Variants in PIK3CB observed in about 807,000 individuals in gnomAD.
PIK3CB encodes phosphatidylinositol-4,5-bisphosphate 3-kinase catalytic subunit beta, also known as phosphatidylinositol 4,5-bisphosphate 3-kinase catalytic subunit beta isoform.
In PIK3CB, 39 loss-of-function variants were observed where a neutral mutation model predicts 136.8. That is an observed-to-expected ratio of 0.29 (90% confidence interval 0.22 to 0.37). The LOEUF is 0.37. Ranked by LOEUF, PIK3CB falls within the 10% of genes least tolerant of loss-of-function variation. The pLI is 1.00. For synonymous variants in PIK3CB, 428 were observed against 436.6 expected, an observed-to-expected ratio of 0.98 and a Z score of 0.25; for missense variants, 868 against 1,275.4, an observed-to-expected ratio of 0.68 and a Z score of 4.87.
In PIK3CB at chr3:138,691,050, T is replaced by C. The variant is rs749905196; in HGVS notation, c.1986A>G (p.Glu662=). The change falls in exon 15 of 24, where the codon GAA becomes GAG. Residue 662 remains glutamate (E), a synonymous_variant. Transcript: ENST00000674063. ...LDCALSRFLL[E]RALGNRRIGQ... ...CTATCCTCCGATTACCAAGTGCTCT[T>C]TCTAATAGGAATCTAGAGAGGGCAC... 1 of 1,612,744 alleles carries C rather than the reference T, an allele frequency of 6.2e-7. No individual in the cohort carries two copies. Among genetic ancestry groups the C allele is most frequent in the East Asian group, 2.2e-5 (1 of 44,836 alleles).
chr3:138,673,924 G>A (rs576535236), intron 19 of PIK3CB, among the ~76,000 whole-genome samples: 2 of 152,212 alleles, frequency 1.3e-5, no homozygotes, highest in East Asian at 1.9e-4. Flanking sequence ...GTAGTTTCCA[G>A]GAAGATCCCA....
At chr3:138,829,193 T>A (rs1481987455) in intron 1 of PIK3CB, among the ~76,000 whole-genome samples, 2 of 151,990 alleles carry the variant, frequency 1.3e-5, no homozygotes, top group Non-Finnish European at 2.9e-5. Flanking sequence ...CTGAGATGGG[T>A]GGATTGCTTC....
chr3:138,746,643 A>G (rs2045360252), intron 4 of PIK3CB, among the ~76,000 whole-genome samples: 1 of 152,238 alleles, frequency 6.6e-6, no homozygotes, highest in Admixed American at 6.5e-5. Flanking sequence ...CCTGGGTGAC[A>G]GAGTGAGACT....
intron 2 of PIK3CB, among the ~76,000 whole-genome samples, chr3:138,788,964 CAAAAA>C (rs57432821): frequency 0.54 from 48,524 of 89,686 alleles, 10,019 homozygotes; most frequent in East Asian, 0.86. Context: ...GACTTCGTCT[CAAAAA>C]AAAAAAAAAA....
At chr3:138,686,995 C>A (rs111819410) in intron 16 of PIK3CB, among the ~76,000 whole-genome samples, 4 of 152,282 alleles carry the variant, frequency 2.6e-5, no homozygotes, top group African/African-American at 9.6e-5. Flanking sequence ...CAAACAGGAA[C>A]TTTTTACAAG....
chr3:138,667,107 G>A (rs1189923673), intron 19 of PIK3CB, among the ~76,000 whole-genome samples: 2 of 151,692 alleles, frequency 1.3e-5, no homozygotes, highest in East Asian at 1.9e-4. Context: ...TACTTGGGGG[G>A]CTGAGGCAGG....
chr3:138,810,950 G>T (rs930185472), intron 1 of PIK3CB, among the ~76,000 whole-genome samples: 1 of 151,884 alleles, frequency 6.6e-6, no homozygotes, highest in Non-Finnish European at 1.5e-5. Flanking sequence ...AATGTCGGCC[G>T]GGCGCGGTGG....
At chr3:138,690,850 T>C (rs1348002329) in intron 15 of PIK3CB, 150 bp downstream of exon 15, 1 of 542,164 alleles carries the variant, frequency 1.8e-6, no homozygotes, top group African/African-American at 1.9e-5. Context: ...AGTGCTGGTA[T>C]CAAGAAACAG....
At chr3:138,763,987 T>C (rs2045696194) in intron 2 of PIK3CB, among the ~76,000 whole-genome samples, 1 of 151,852 alleles carries the variant, frequency 6.6e-6, no homozygotes, top group South Asian at 2.1e-4. Flanking sequence ...GGCACGCCCC[T>C]GTAATCCCAG....
Position 138,825,241 on chromosome 3 carries a change from T to C in PIK3CB, c.-122+9454A>G, listed in dbSNP as rs1251804808. On this transcript the variant is annotated intron_variant, in intron 1 of 23. Coordinates refer to ENST00000674063, the MANE Select transcript of PIK3CB (RefSeq NM_006219.3). Reference sequence around the variant, plus strand: ...GATGCTCAAGAAGACAGAGACTTTATCAATAACATGATTATAGGGACATCT... The same window carrying C: ...GATGCTCAAGAAGACAGAGACTTTACCAATAACATGATTATAGGGACATCT... 1.7e-5 allele frequency: 6 copies of C among 359,134 alleles called. No individual in the cohort carries two copies. In the East Asian group the frequency reaches 2.2e-4, roughly 13 times the overall value. The allele number at this position is 359,134 out of a possible 1,614,324, so 22.2% of individuals were successfully genotyped here. A position where few individuals can be genotyped will look rare whatever the true frequency, so the allele number is the denominator to read the frequency against.
intron 2 of PIK3CB, among the ~76,000 whole-genome samples, chr3:138,763,300 G>A (rs1049004620): frequency 1.3e-5 from 2 of 151,942 alleles, no homozygotes; most frequent in Non-Finnish European, 2.9e-5. Flanking sequence ...CATCATGCCC[G>A]GCTAATTTTT....
chr3:138,718,758 A>G (rs1296610298), intron 8 of PIK3CB, among the ~76,000 whole-genome samples: 1 of 152,198 alleles, frequency 6.6e-6, no homozygotes, highest in Non-Finnish European at 1.5e-5. Flanking sequence ...AATCATCTAC[A>G]TACGGCTTGC....
chr3:138,686,536 TAAC>T (rs2043897223), intron 16 of PIK3CB, among the ~76,000 whole-genome samples: 1 of 152,190 alleles, frequency 6.6e-6, no homozygotes, highest in Non-Finnish European at 1.5e-5. Flanking sequence ...ATAAAATTCA[TAAC>T]AACTTCAGCC....
chr3:138,789,658 G>A (rs1342192140), intron 2 of PIK3CB, among the ~76,000 whole-genome samples: 2 of 151,592 alleles, frequency 1.3e-5, no homozygotes, highest in Non-Finnish European at 1.5e-5. Flanking sequence ...CAAAAAAAAT[G>A]TGGAAATGTG....
At chr3:138,772,783 C>CTTTTT (rs776881626) in intron 2 of PIK3CB, among the ~76,000 whole-genome samples, 5 of 112,206 alleles carry the variant, frequency 4.5e-5, no homozygotes, top group Non-Finnish European at 7.1e-5. Context: ...TATTTATTCT[C>CTTTTT]TTTTTTTTTT....
Position 138,780,507 on chromosome 3 carries a change from G to A in PIK3CB, c.-17+15956C>T, listed in dbSNP as rs914977218. ...AATGGTTTCGATCTCTTGACCTCGT[G>A]ATCTGCCCACCTTGGCCTCCCAAAG... On this transcript the variant is annotated intron_variant, in intron 2 of 23. Transcript: ENST00000674063. Among the ~76,000 whole-genome samples the A allele has an allele frequency of 6.6e-5, 10 of 152,102 alleles. No individual in the cohort carries two copies. The South Asian group carries it at 1.0e-3, about 16-fold the overall frequency.
chr3:138,834,411 T>G (rs2108948860), intron 1 of PIK3CB, among the ~76,000 whole-genome samples: 1 of 152,266 alleles, frequency 6.6e-6, no homozygotes, highest in South Asian at 2.1e-4. Flanking sequence ...AAAGCGACAG[T>G]GACCCGGGAC....
intron 4 of PIK3CB, 124 bp from the exon 5 acceptor site, chr3:138,742,905 G>A: frequency 1.8e-6 from 1 of 546,596 alleles, no homozygotes; most frequent in Non-Finnish European, 3.2e-6. Flanking sequence ...TTATCAAGCA[G>A]ATGAAACTAG....
At chr3:138,759,478 CAGG>C (rs968530056) in intron 2 of PIK3CB, 119 bp from the exon 3 acceptor site, 7 of 573,982 alleles carry the variant, frequency 1.2e-5, no homozygotes, top group African/African-American at 1.1e-4. Context: ...AATAATGTAA[CAGG>C]AGGCCAATTA....
Sources: allele counts gnomAD v4.1 joint callset (sites outside exome capture counted in the v4.1 genomes callset), GRCh38; gene constraint gnomAD v4.1.1; transcripts MANE v1.5; gene names NCBI Gene and HGNC (gene_info 2026-07-23, HGNC 2026-07-21).